ADAMTS10: variants seen among roughly 807,000 people sequenced by gnomAD.
ADAMTS10 encodes the protein ADAM metallopeptidase with thrombospondin type 1 motif 10, also known as A disintegrin and metalloproteinase with thrombospondin motifs 10.
Under a neutral mutation model 135.9 loss-of-function variants are expected in ADAMTS10, and 48 were observed. The ratio of observed to expected loss-of-function variants is 0.35; its 90% CI spans 0.28 to 0.45. The LOEUF (loss-of-function observed/expected upper bound fraction) is 0.45. Among genes scored for constraint, ADAMTS10 ranks in the 20% least tolerant of loss-of-function variants. The probability of loss-of-function intolerance (pLI) is 1.00; values close to 1 mark genes in which losing one functional copy is unlikely to be tolerated. For synonymous variants in ADAMTS10, 621 were observed against 647.5 expected (o/e 0.96, Z 0.62); for missense variants, 1,131 against 1,565.2 (o/e 0.72, Z 4.68).
rs899564419 is a variant in ADAMTS10, at chr19:8,601,155, C to G, written c.593-10G>C. ...TTCCACGGTTTCTCATCTGGGGAAC[C>G]CAGTAGAGCAATTAAGCCCTGCCCT... is the stretch of plus-strand genomic sequence containing the variant. On this transcript the variant is annotated splice_polypyrimidine_tract_variant and intron_variant, in intron 5 of 25. Coordinates refer to ENST00000597188, the MANE Select transcript of ADAMTS10 (RefSeq NM_030957.4). This position sits in a 1 kb window ranked among gnomAD's most constrained non-coding sequence, Gnocchi z 4.6. 1 of 1,612,304 alleles carries G rather than the reference C, an allele frequency of 6.2e-7. No homozygotes were observed. The highest frequency in any genetic ancestry group is 8.5e-7 in the Non-Finnish European group (1 of 1,179,982).
At chr19:8,604,981 T>A in intron 4 of ADAMTS10, 31 bp downstream of exon 4, 1 of 1,561,660 alleles carries the variant, frequency 6.4e-7, no homozygotes, top group Non-Finnish European at 8.7e-7. Context: ...TTATGGGCAT[T>A]TCCCCCCGCG....
rs782607385 is a variant in ADAMTS10 at position 8,589,469 on chromosome 19, C to T, written c.2017G>A (p.Val673Ile). The T allele has an allele frequency of 3.0e-5, 48 of 1,605,748 alleles. No individual in the cohort carries two copies. The highest frequency in any genetic ancestry group is 1.0e-4 in the Admixed American group (6 of 59,570). Residue 673 changes from valine (V) to isoleucine (I), a missense_variant, in exon 17 of 26, where the codon GTC becomes ATC. By Grantham distance (29) the Val-to-Ile change is conservative. Transcript: ENST00000597188. ...PCRPDTVDIC[V>I]SGECKHVGCD... ...CCCTCCACCTTGCATTCGCCACTGA[C>T]GCAAATGTCCACCGTGTCTGGACGG...
chr19:8,589,020 G>A (rs1600099970), intron 18 of ADAMTS10, among the ~76,000 whole-genome samples: 1 of 152,236 alleles, frequency 6.6e-6, no homozygotes, highest in East Asian at 1.9e-4. Flanking sequence ...TCAAACTCCT[G>A]GCCTCAAGTG....
intron 4 of ADAMTS10, 69 bp downstream of exon 4, chr19:8,604,943 G>A: frequency 4.8e-6 from 7 of 1,464,214 alleles, no homozygotes; most frequent in Non-Finnish European, 4.7e-6. Context: ...TGCCCTCTAT[G>A]TAGAAGTGTT....
Position 8,605,919 on chromosome 19 carries a change from G to C in ADAMTS10, c.-99-110C>G, listed in dbSNP as rs1555742551. The stretch of plus-strand genomic sequence containing the variant: ...TCACCTGACTCTGAAGATTCTGAAT[G>C]CATTTTCTCACTCAGTCACTCCCCT... On this transcript the variant is annotated intron_variant, in intron 2 of 25. Coordinates refer to ENST00000597188, the MANE Select transcript of ADAMTS10 (RefSeq NM_030957.4). This position sits in a 1 kb window ranked among gnomAD's most constrained non-coding sequence, Gnocchi z 7.7. 2.8e-6 allele frequency: 3 copies of C among 1,086,142 alleles called. No homozygotes were observed. In the African/African-American group the frequency reaches 4.8e-5, roughly 17 times the overall value. 67.3% of individuals were successfully genotyped at this position (1,086,142 alleles called of 1,614,324 possible).
chr19:8,581,173 T>C, intron 25 of ADAMTS10, 171 bp from the exon 26 acceptor site: 2 of 427,566 alleles, frequency 4.7e-6, no homozygotes, highest in Non-Finnish European at 8.2e-6. Context: ...GATGTTATCT[T>C]GCTATGTTGA....
chr19:8,604,153 C>A (rs576841373), intron 4 of ADAMTS10, among the ~76,000 whole-genome samples: 259 of 151,470 alleles, frequency 1.7e-3, no homozygotes, highest in African/African-American at 6.1e-3. Context: ...TGGGCTCAAG[C>A]GATCCTCCTG....
At chr19:8,595,698 T>TGCCAGC in intron 12 of ADAMTS10, 64 bp downstream of exon 12, 10 of 1,291,940 alleles carry the variant, frequency 7.7e-6, no homozygotes, top group Non-Finnish European at 8.6e-6. Flanking sequence ...CTGGTGGAGT[T>TGCCAGC]CCCTCCCCCA....
rs1252441671 is a variant in ADAMTS10, at chr19:8,601,277, C to T, written c.593-132G>A. 10 of 997,212 alleles carry T rather than the reference C, an allele frequency of 1.0e-5. No individual in the cohort carries two copies. In the East Asian group the frequency reaches 2.6e-4, roughly 26 times the overall value. 61.8% of individuals were successfully genotyped at this position (997,212 alleles called of 1,614,324 possible). ...TCTGGACAGACAATTTCTGGTCATTCTGCTGCCTTCTCTTGTTGTCCAGCT... is the reference window on the plus strand; with the variant it reads ...TCTGGACAGACAATTTCTGGTCATTTTGCTGCCTTCTCTTGTTGTCCAGCT... On this transcript the variant is annotated intron_variant, in intron 5 of 25. Transcript: ENST00000597188. The surrounding 1 kb of genome is among the most constrained non-coding windows in gnomAD (Gnocchi z 4.6).
rs1378179634 is a variant in ADAMTS10 at position 8,596,744 on chromosome 19, A to AATGC, written c.1041-163_1041-160dup. On this transcript the variant is annotated intron_variant, in intron 8 of 25. Transcript: ENST00000597188. The surrounding 1 kb of genome is among the most constrained non-coding windows in gnomAD (Gnocchi z 7.2). ...GAGTGACTGACCACATGAATGAATG[A>AATGC]ATGCATGCATGCATGCATGAGTGGG... 1.3e-5 allele frequency among the ~76,000 whole-genome samples: 2 copies of AATGC among 152,154 alleles called. No individual in the cohort carries two copies. Among genetic ancestry groups the AATGC allele is most frequent in the South Asian group, 2.1e-4 (1 of 4,820 alleles).
At position 8,596,693 on chromosome 19, in the gene ADAMTS10, T is replaced by G. The variant is rs2042609470; in HGVS notation, c.1041-108A>C. On this transcript the variant is annotated intron_variant, in intron 8 of 25. Coordinates refer to ENST00000597188, the MANE Select transcript of ADAMTS10 (RefSeq NM_030957.4). The surrounding 1 kb of genome is among the most constrained non-coding windows in gnomAD (Gnocchi z 7.2). Reference sequence around the variant, plus strand: ...TGAGTCCTGCCTTGGAGGCGCCATCTGCCTCTCACCTGAAGCTGCATACAG... The same window carrying G: ...TGAGTCCTGCCTTGGAGGCGCCATCGGCCTCTCACCTGAAGCTGCATACAG... 7.2e-7 allele frequency: 1 copy of G among 1,385,682 alleles called. No homozygotes were observed. The highest frequency in any genetic ancestry group is 1.3e-5 in the South Asian group (1 of 78,302). The allele number at this position is 1,385,682 out of a possible 1,614,324, so 85.8% of individuals were successfully genotyped here.
At chr19:8,602,074 A>G (rs1555741681) in intron 5 of ADAMTS10, among the ~76,000 whole-genome samples, 1 of 152,156 alleles carries the variant, frequency 6.6e-6, no homozygotes, top group African/African-American at 2.4e-5. Flanking sequence ...CAACTTTCCA[A>G]TCAATGCACT....
At position 8,589,999 on chromosome 19, in the gene ADAMTS10, C is replaced by A. The variant is rs1555738528; in HGVS notation, c.1798-8G>T. ...GGAGCCAGGGGGACAGTCCTGGGGG[C>A]AGGAGAGGAGAGATGGAGGGAGGCC... On this transcript the variant is annotated splice_region_variant and splice_polypyrimidine_tract_variant and intron_variant, in intron 15 of 25. Transcript: ENST00000597188. The A allele has an allele frequency of 6.2e-7, 1 of 1,608,832 alleles. No homozygotes were observed. Among genetic ancestry groups the A allele is most frequent in the South Asian group, 1.1e-5 (1 of 90,980 alleles).
chr19:8,592,905 C>A lies in ADAMTS10; in HGVS notation c.1480-35G>T, dbSNP rs782566581. On this transcript the variant is annotated intron_variant, in intron 12 of 25. Transcript: ENST00000597188. ...GAGGTGCCCGCTCAGGCTCGCCCCC[C>A]TCCCTTCCTCCCTGGGGCAGCCCGC... 4.4e-6 allele frequency: 7 copies of A among 1,581,840 alleles called. No homozygotes were observed. The South Asian group carries it at 5.6e-5, about 13-fold the overall frequency.
Position 8,586,425 on chromosome 19 carries a change from C to A in ADAMTS10, c.2449G>T (p.Ala817Ser), listed in dbSNP as rs1555737193. The change falls in exon 21 of 26, where the codon GCC becomes TCC. Residue 817 changes from alanine (A) to serine (S), a missense_variant. By Grantham distance (99) the Ala-to-Ser change is moderately conservative. This residue lies in a region of ADAMTS10 where 745 missense variants were observed against 1,056.3 expected (regional missense o/e 0.71). Coordinates refer to ENST00000597188, the MANE Select transcript of ADAMTS10 (RefSeq NM_030957.4). ...ELPALRYRFN[A>S]PIARDSLPPY... The stretch of plus-strand genomic sequence containing the variant: ...GGCAGCGAGTCACGGGCGATGGGGG[C>A]ATTGAAGCGGTAGCGGAGGGCAGGC... 6.2e-7 allele frequency: 1 copy of A among 1,613,968 alleles called. No homozygotes were observed. Among genetic ancestry groups the A allele is most frequent in the Admixed American group, 1.7e-5 (1 of 60,008 alleles).
At chr19:8,589,748 T>TTCCCAGGTACTCTGGGA in intron 16 of ADAMTS10, 141 bp downstream of exon 16, 5 of 1,393,130 alleles carry the variant, frequency 3.6e-6, no homozygotes, top group Non-Finnish European at 3.9e-6. Flanking sequence ...ACCCCCATGG[T>TTCCCAGGTACTCTGGGA]ACCGTATCCC....
intron 12 of ADAMTS10, chr19:8,593,262 A>C (rs2042565372): frequency 4.2e-6 from 1 of 236,536 alleles, no homozygotes; most frequent in Non-Finnish European, 8.6e-6. Context: ...GTGCCTTCTG[A>C]GTTTCTGGAA....
chr19:8,602,015 T>C (rs1555741672), intron 5 of ADAMTS10, among the ~76,000 whole-genome samples: 1 of 152,230 alleles, frequency 6.6e-6, no homozygotes, highest in East Asian at 1.9e-4. Flanking sequence ...CCAGCCTGTT[T>C]TGCAATTTGA....
intron 18 of ADAMTS10, 104 bp downstream of exon 18, chr19:8,589,138 G>T: frequency 6.3e-7 from 1 of 1,577,188 alleles, no homozygotes; most frequent in South Asian, 1.1e-5. Flanking sequence ...CGGGGCCCCT[G>T]GGGTCTGAGG....
Sources: gnomAD v4.1 joint callset for allele counts (sites outside exome capture counted in the v4.1 genomes callset) on GRCh38, gnomAD v4.1.1 for gene constraint, gnomAD v4.1.1 regional missense constraint, Gnocchi (gnomAD v3.1) non-coding constraint, MANE v1.5 for transcripts, NCBI Gene and HGNC (gene_info 2026-07-23, HGNC 2026-07-21) for gene names.